SNTG1: variants seen among roughly 807,000 people sequenced by gnomAD.
SNTG1 encodes the protein syntrophin gamma 1.
A neutral mutation model predicts 74.7 loss-of-function variants in SNTG1; 39 were observed. The observed-to-expected ratio is 0.52, with a 90% CI of 0.40 to 0.68. SNTG1 has a LOEUF of 0.68. Ranked by LOEUF, SNTG1 falls within the 30% of genes least tolerant of loss-of-function variation. The pLI, the probability that SNTG1 is intolerant of heterozygous loss-of-function variation, is 0.00. For synonymous variants in SNTG1, 254 were observed against 217.1 expected (o/e 1.17, Z -1.49); for missense variants, 685 against 609.5 (o/e 1.12, Z -1.30).
chr8:50,618,118 T>C (rs1279740058), intron 13 of SNTG1, among the ~76,000 whole-genome samples: 1 of 152,204 alleles, frequency 6.6e-6, no homozygotes, highest in African/African-American at 2.4e-5. Context: ...ATGTTTGCAT[T>C]AAACTACTTA....
chr8:50,314,927 C>T (rs1266059665), intron 2 of SNTG1, among the ~76,000 whole-genome samples: 1 of 149,514 alleles, frequency 6.7e-6, no homozygotes, highest in Non-Finnish European at 1.5e-5. Context: ...GAGAGCAAGA[C>T]AATGTGTTAC....
At chr8:50,222,852 T>G (rs2085139127) in intron 2 of SNTG1, among the ~76,000 whole-genome samples, 1 of 152,128 alleles carries the variant, frequency 6.6e-6, no homozygotes, top group African/African-American at 2.4e-5. Flanking sequence ...TCTAGAGACA[T>G]ATAACACCAT....
intron 2 of SNTG1, among the ~76,000 whole-genome samples, chr8:50,376,565 C>G (rs1408732315): frequency 6.6e-6 from 1 of 151,760 alleles, no homozygotes; most frequent in East Asian, 1.9e-4. Context: ...ATGGTGAAGC[C>G]TCCTGACTTG....
chr8:50,630,987 C>T (rs1301199923), intron 13 of SNTG1, among the ~76,000 whole-genome samples: 1 of 152,142 alleles, frequency 6.6e-6, no homozygotes, highest in African/African-American at 2.4e-5. Context: ...TGTACATATC[C>T]AGGGAGAAAG....
chr8:50,374,490 T>C (rs2092335384), intron 2 of SNTG1, among the ~76,000 whole-genome samples: 1 of 152,186 alleles, frequency 6.6e-6, no homozygotes, highest in African/African-American at 2.4e-5. Context: ...GCTCAACTGT[T>C]GTAAGGCGCA....
intron 2 of SNTG1, among the ~76,000 whole-genome samples, chr8:50,292,479 T>C (rs1356474923): frequency 6.6e-6 from 1 of 152,100 alleles, no homozygotes; most frequent in Non-Finnish European, 1.5e-5. Flanking sequence ...TCTCTCTGAT[T>C]GAAGTGTGAA....
chr8:50,229,521 C>G (rs1244986807), intron 2 of SNTG1, among the ~76,000 whole-genome samples: 1 of 151,442 alleles, frequency 6.6e-6, no homozygotes, highest in Non-Finnish European at 1.5e-5. Flanking sequence ...GAATAATGAT[C>G]CGTTTTACAA....
intron 4 of SNTG1, among the ~76,000 whole-genome samples, chr8:50,412,540 A>T (rs1006088189): frequency 1.3e-5 from 2 of 152,212 alleles, no homozygotes; most frequent in Admixed American, 6.5e-5. Context: ...TCTGGCACAT[A>T]GTAGGAGCTC....
At chr8:50,027,999 A>G (rs1455662652) in intron 1 of SNTG1, among the ~76,000 whole-genome samples, 1 of 152,194 alleles carries the variant, frequency 6.6e-6, no homozygotes, top group Non-Finnish European at 1.5e-5. Context: ...AAAGTAGGAA[A>G]CTGACATTGT....
chr8:50,229,499 G>A (rs1235361482), intron 2 of SNTG1, among the ~76,000 whole-genome samples: 2 of 151,354 alleles, frequency 1.3e-5, no homozygotes, highest in Non-Finnish European at 3.0e-5. Context: ...TCCAAACAAG[G>A]AAGATTATCA....
intron 1 of SNTG1, among the ~76,000 whole-genome samples, chr8:50,134,111 A>T (rs2081397075): frequency 6.6e-6 from 1 of 152,118 alleles, no homozygotes; most frequent in African/African-American, 2.4e-5. Flanking sequence ...CATTCATGGA[A>T]CTCAATCTAT....
intron 2 of SNTG1, among the ~76,000 whole-genome samples, chr8:50,210,506 G>A (rs1464205204): frequency 1.3e-5 from 2 of 152,152 alleles, no homozygotes; most frequent in Admixed American, 6.6e-5. Context: ...CAAAGGGAAG[G>A]CCAGCAGACT....
chr8:50,724,842 A>G (rs1189575257), intron 17 of SNTG1, among the ~76,000 whole-genome samples: 1 of 152,208 alleles, frequency 6.6e-6, no homozygotes, highest in Non-Finnish European at 1.5e-5. Flanking sequence ...AATTTATGGT[A>G]GCATTCAAAA....
chr8:50,203,760 G>T (rs575169943), intron 2 of SNTG1, among the ~76,000 whole-genome samples: 1 of 151,120 alleles, frequency 6.6e-6, no homozygotes, highest in Non-Finnish European at 1.5e-5. Context: ...GTGTGTGTGT[G>T]TTTCTGTGTG....
chr8:49,952,964 G>T (rs181858081), intron 1 of SNTG1, among the ~76,000 whole-genome samples: 3 of 152,136 alleles, frequency 2.0e-5, no homozygotes, highest in Non-Finnish European at 4.4e-5. Context: ...TATCATGTAC[G>T]TTCATGTAGA....
intron 15 of SNTG1, among the ~76,000 whole-genome samples, chr8:50,694,345 G>A (rs1045401274): frequency 3.3e-5 from 5 of 151,876 alleles, no homozygotes; most frequent in Non-Finnish European, 7.4e-5. Flanking sequence ...TAGAAGAAAT[G>A]AATACATTCT....
At chr8:49,985,561 T>C (rs1429039139) in intron 1 of SNTG1, among the ~76,000 whole-genome samples, 1 of 152,172 alleles carries the variant, frequency 6.6e-6, no homozygotes, top group Non-Finnish European at 1.5e-5. Flanking sequence ...TAGATGACAA[T>C]AGAAATTTTT....
chr8:50,531,813 A>G (rs943441495), intron 10 of SNTG1, among the ~76,000 whole-genome samples: 1 of 152,188 alleles, frequency 6.6e-6, no homozygotes, highest in Non-Finnish European at 1.5e-5. Flanking sequence ...AGAATGGGAG[A>G]AAGCTCTTTG....
intron 2 of SNTG1, among the ~76,000 whole-genome samples, chr8:50,197,740 G>A (rs775568372): frequency 1.6e-4 from 25 of 151,972 alleles, no homozygotes; most frequent in Non-Finnish European, 2.8e-4. Flanking sequence ...GATGCATCTC[G>A]TTTCAAACTT....
Sources: gnomAD v4.1 joint callset for allele counts (sites outside exome capture counted in the v4.1 genomes callset) on GRCh38, gnomAD v4.1.1 for gene constraint, MANE v1.5 for transcripts, NCBI Gene and HGNC (gene_info 2026-07-23, HGNC 2026-07-21) for gene names.